The following ZNF93 variants were observed in gnomAD, a reference collection of about 807,000 sequenced individuals.
ZNF93 encodes the protein zinc finger protein 93.
ZNF93 carries 29 observed loss-of-function variants against 45.0 expected under a neutral mutation model. The observed-to-expected ratio is 0.64, with a 90% CI of 0.48 to 0.88. The LOEUF is 0.88. Ranked by LOEUF, ZNF93 falls within the 40% of genes least tolerant of loss-of-function variation. ZNF93 has a pLI of 0.00. For synonymous variants in ZNF93, 223 were observed against 244.6 expected (o/e 0.91, Z 0.82); for missense variants, 578 against 724.0 (o/e 0.80, Z 2.31).
rs572606336 is a variant in ZNF93, at chr19:19,908,482, G to C, written c.4-6798G>C. 4 of 152,202 alleles carry C rather than the reference G, an allele frequency of 2.6e-5. No homozygotes were observed. In the South Asian group the frequency reaches 8.3e-4, roughly 32 times the overall value. 9.4% of individuals were successfully genotyped at this position (152,202 alleles called of 1,614,324 possible). A position where few individuals can be genotyped will look rare whatever the true frequency, so the allele number is the denominator to read the frequency against. ...AATTGCTTTTAGGGGCGTATTTTCTGGCTGATGATCAATCTTATATCTAAT... is the reference window on the plus strand; with the variant it reads ...AATTGCTTTTAGGGGCGTATTTTCTCGCTGATGATCAATCTTATATCTAAT... On this transcript the variant is annotated intron_variant, in intron 1 of 3. Transcript: ENST00000343769.
In ZNF93 at chr19:19,916,604, G is replaced by A. The variant is rs1426959654; in HGVS notation, c.175G>A (p.Gly59Arg). Residue 59 changes from glycine (G) to arginine (R), a missense_variant, in exon 3 of 4, where the codon GGA (glycine) becomes AGA (arginine). By Grantham distance (125) the Gly-to-Arg change is moderately radical. This residue lies in a region of ZNF93 where 446 missense variants were observed against 547.6 expected (regional missense o/e 0.81). Transcript: ENST00000343769. ...AGACCTGATCGCCCATCTGGAGCAAGGAAAAAAACCTTTGACTATGAAGAG... is the reference window on the plus strand; with the variant it reads ...AGACCTGATCGCCCATCTGGAGCAAAGAAAAAAACCTTTGACTATGAAGAG... ...KPDLIAHLEQGKKPLTMKRHE... is the reference protein window; with the variant it reads ...KPDLIAHLEQRKKPLTMKRHE... The A allele has an allele frequency of 8.1e-6, 13 of 1,610,424 alleles. No homozygotes were observed. Among genetic ancestry groups the A allele is most frequent in the South Asian group, 1.1e-5 (1 of 90,552 alleles).
Position 19,933,816 on chromosome 19 carries a change from T to G in ZNF93, c.861T>G (p.Cys287Trp), listed in dbSNP as rs1176728327. The G allele has an allele frequency of 3.2e-5, 51 of 1,613,138 alleles. No homozygotes were observed. The highest frequency in any genetic ancestry group is 4.1e-5 in the Non-Finnish European group (48 of 1,179,908). Residue 287 changes from cysteine to tryptophan, a missense_variant, in exon 4 of 4, where the codon TGT becomes TGG. By Grantham distance (215) the Cys-to-Trp change is radical. Around this residue, in one of 3 missense-constraint regions of ZNF93, gnomAD observed 446 missense variants for 547.6 expected, o/e 0.81. Transcript: ENST00000343769. ...KIHTGEKPYK[C>W]EECGKAFNQS... ...ATACTGGAGAGAAACCCTACAAATG[T>G]GAAGAATGTGGCAAAGCTTTTAACC...
At position 19,934,432 on chromosome 19, in the gene ZNF93, T is replaced by G; in HGVS notation, c.1477T>G (p.Ser493Ala). The G allele has an allele frequency of 6.2e-7, 1 of 1,613,312 alleles. No individual in the cohort carries two copies. Among genetic ancestry groups the G allele is most frequent in the Non-Finnish European group, 8.5e-7 (1 of 1,179,978 alleles). Residue 493 changes from serine to alanine, a missense_variant, in exon 4 of 4, where the codon TCC becomes GCC. Coordinates refer to ENST00000343769, the MANE Select transcript of ZNF93 (RefSeq NM_031218.4). ...AGAATGTGGCAAAGCTTTTAACCAG[T>G]CCTCTTCCCTTACTAAACATAAGAA... ...CEECGKAFNQ[S>A]SSLTKHKKIH...
rs776121347 is a variant in ZNF93, at chr19:19,933,977, A to G, written c.1022A>G (p.Tyr341Cys). 37 of 1,612,626 alleles carry G rather than the reference A, an allele frequency of 2.3e-5. No homozygotes were observed. In the East Asian group the frequency reaches 4.0e-4, roughly 17 times the overall value. ...AGAATTCATACTGGAGAGAAACCAT[A>G]CAAGTGTAATAAATGTGGCAAAGCC... ...HKRIHTGEKP[Y>C]KCNKCGKAFI... is the part of the protein sequence containing the mutation. Residue 341 changes from tyrosine to cysteine, a missense_variant, in exon 4 of 4, where the codon TAC becomes TGC. Transcript: ENST00000343769.
intron 2 of ZNF93, among the ~76,000 whole-genome samples, 165 bp downstream of exon 2, chr19:19,915,571 G>A (rs1208936222): frequency 6.6e-6 from 1 of 152,074 alleles, no homozygotes; most frequent in African/African-American, 2.4e-5. Flanking sequence ...TTTCTTCAGT[G>A]CCTCTTGCCT....
intron 1 of ZNF93, among the ~76,000 whole-genome samples, chr19:19,902,260 G>T (rs59256401): frequency 0.054 from 8,067 of 148,616 alleles, 406 homozygotes; most frequent in East Asian, 0.17. Context: ...AAAACAGAAG[G>T]TTTTTTTTTT....
At chr19:19,923,742 T>C (rs1015242886) in intron 3 of ZNF93, among the ~76,000 whole-genome samples, 1 of 152,212 alleles carries the variant, frequency 6.6e-6, no homozygotes, top group Non-Finnish European at 1.5e-5. Context: ...TCTCCTGGTT[T>C]GCCATTTGCT....
chr19:19,910,701 GTC>G (rs1241870282), intron 1 of ZNF93, among the ~76,000 whole-genome samples: 1 of 146,726 alleles, frequency 6.8e-6, no homozygotes, highest in Non-Finnish European at 1.5e-5. Flanking sequence ...TGCTAGAGTA[GTC>G]TCTATGAGGG....
At chr19:19,931,897 T>G (rs1381619424) in intron 3 of ZNF93, 1 of 276,466 alleles carries the variant, frequency 3.6e-6, no homozygotes, top group Non-Finnish European at 7.0e-6. Context: ...CATCTTAAAG[T>G]TAAAACAATA....
At chr19:19,928,279 T>C (rs1336317727) in intron 3 of ZNF93, among the ~76,000 whole-genome samples, 2 of 152,176 alleles carry the variant, frequency 1.3e-5, no homozygotes, top group African/African-American at 4.8e-5. Flanking sequence ...GAGCTCTCTA[T>C]TCTGTTCTTT....
At chr19:19,932,053 A>T (rs1325108330) in intron 3 of ZNF93, 3 of 333,980 alleles carry the variant, frequency 9.0e-6, no homozygotes, top group Admixed American at 4.4e-5. Flanking sequence ...AGGTGGGTGG[A>T]TCCCGAGGTC....
chr19:19,927,398 A>G (rs989769570), intron 3 of ZNF93: 6 of 389,180 alleles, frequency 1.5e-5, no homozygotes, highest in East Asian at 1.5e-4. Context: ...GTATATTCAC[A>G]TTGTTATGCA....
intron 1 of ZNF93, among the ~76,000 whole-genome samples, chr19:19,901,830 G>T (rs760289066): frequency 2.0e-5 from 3 of 151,794 alleles, no homozygotes; most frequent in Non-Finnish European, 4.4e-5. Flanking sequence ...GGTGGCTGAT[G>T]CCTGTAATCC....
At chr19:19,901,692 A>G (rs1390282248) in intron 1 of ZNF93, among the ~76,000 whole-genome samples, 1 of 152,020 alleles carries the variant, frequency 6.6e-6, no homozygotes, top group Non-Finnish European at 1.5e-5. Flanking sequence ...CGTTTACCCT[A>G]TATGGAAAAA....
Position 19,933,531 on chromosome 19 carries a change from G to A in ZNF93, c.576G>A (p.Lys192=). 6.2e-7 allele frequency: 1 copy of A among 1,607,296 alleles called. No homozygotes were observed. The highest frequency in any genetic ancestry group is 8.5e-7 in the Non-Finnish European group (1 of 1,177,746). ...FNQFSTLITH[K]KIHTGEKPYI... is the part of the protein sequence containing the mutation. ...AGTTCTCAACCCTTATAACACATAA[G>A]AAAATTCATACTGGAGAGAAACCCT... is the stretch of plus-strand genomic sequence containing the variant. Residue 192 remains lysine, a synonymous_variant, in exon 4 of 4, where the codon AAG becomes AAA. Coordinates refer to ENST00000343769, the MANE Select transcript of ZNF93 (RefSeq NM_031218.4).
chr19:19,924,289 C>T (rs1257752111), intron 3 of ZNF93, among the ~76,000 whole-genome samples: 3 of 152,168 alleles, frequency 2.0e-5, no homozygotes, highest in African/African-American at 4.8e-5. Context: ...TGAGGTTTCA[C>T]CATGTTGGTA....
chr19:19,931,083 C>T (rs2063372724), intron 3 of ZNF93, among the ~76,000 whole-genome samples: 1 of 151,256 alleles, frequency 6.6e-6, no homozygotes, highest in Non-Finnish European at 1.5e-5. Context: ...TTGTAGGCAG[C>T]ACACTGTATG....
chr19:19,905,630 G>A, intron 1 of ZNF93, among the ~76,000 whole-genome samples: 1 of 151,806 alleles, frequency 6.6e-6, no homozygotes, highest in East Asian at 1.9e-4. Context: ...CTCACTTATG[G>A]CCCAGGCTAG....
intron 3 of ZNF93, among the ~76,000 whole-genome samples, chr19:19,923,686 G>A (rs370662721): frequency 2.6e-5 from 4 of 152,132 alleles, no homozygotes; most frequent in Admixed American, 6.5e-5. Context: ...AGCAATGAGC[G>A]AGGCTCCATG....
Sources: gnomAD v4.1 joint callset for allele counts (sites outside exome capture counted in the v4.1 genomes callset) on GRCh38, gnomAD v4.1.1 for gene constraint, gnomAD v4.1.1 regional missense constraint, MANE v1.5 for transcripts, NCBI Gene and HGNC (gene_info 2026-07-23, HGNC 2026-07-21) for gene names.